Variants in CDH4 observed in about 807,000 individuals in gnomAD.
CDH4 encodes cadherin 4.
In CDH4, 33 loss-of-function variants were observed where a neutral mutation model predicts 86.0. The observed-to-expected ratio is 0.38, with a 90% confidence interval of 0.29 to 0.51. CDH4 has a LOEUF of 0.51. Among genes scored for constraint, CDH4 ranks in the 20% least tolerant of loss-of-function variants. CDH4 has a pLI of 0.86. For missense variants in CDH4, 1,114 were observed against 1,307.4 expected (o/e 0.85, Z 2.28); for synonymous variants, 555 against 549.4 (o/e 1.01, Z -0.14).
intron 2 of CDH4, among the ~76,000 whole-genome samples, chr20:61,255,470 T>C (rs1297482052): frequency 6.6e-6 from 1 of 152,244 alleles, no homozygotes; most frequent in African/African-American, 2.4e-5. Context: ...CAGAGACAGC[T>C]TCAAAACTCA....
At chr20:61,276,237 A>C (rs2084231257) in intron 2 of CDH4, among the ~76,000 whole-genome samples, 2 of 152,324 alleles carry the variant, frequency 1.3e-5, no homozygotes, top group South Asian at 2.1e-4. Flanking sequence ...CCTGAGTATA[A>C]ATTGAAGTCT....
chr20:61,856,756 G>C (rs923045099), intron 6 of CDH4, among the ~76,000 whole-genome samples: 2 of 152,136 alleles, frequency 1.3e-5, no homozygotes, highest in Non-Finnish European at 2.9e-5. Flanking sequence ...GGTGTGGCAG[G>C]CACCGTGGCC....
intron 2 of CDH4, among the ~76,000 whole-genome samples, chr20:61,316,300 T>C (rs2084475766): frequency 6.6e-6 from 1 of 152,226 alleles, no homozygotes; most frequent in South Asian, 2.1e-4. Flanking sequence ...AATCTAATTT[T>C]CTGGAACATC....
chr20:61,765,694 G>C (rs1211377710), intron 3 of CDH4, among the ~76,000 whole-genome samples: 1 of 152,120 alleles, frequency 6.6e-6, no homozygotes, highest in Non-Finnish European at 1.5e-5. Flanking sequence ...CACATTTCAG[G>C]AACAGCAAGA....
intron 2 of CDH4, among the ~76,000 whole-genome samples, chr20:61,584,941 G>C (rs1324031751): frequency 6.6e-6 from 1 of 152,168 alleles, no homozygotes. Context: ...CTAGGAGCAG[G>C]GGCATTTCCC....
chr20:61,384,926 G>C (rs536955434), intron 2 of CDH4, among the ~76,000 whole-genome samples: 1 of 152,210 alleles, frequency 6.6e-6, no homozygotes, highest in South Asian at 2.1e-4. Context: ...GTTTCTACTT[G>C]TTCTAGCTCA....
chr20:61,539,456 T>C (rs747047212), intron 2 of CDH4, among the ~76,000 whole-genome samples: 47 of 152,210 alleles, frequency 3.1e-4, no homozygotes, highest in Non-Finnish European at 6.2e-4. Context: ...TCTCCCTGTG[T>C]CCTCACGGAG....
In CDH4 at chr20:61,850,032, C is replaced by T. The variant is rs186984073; in HGVS notation, c.733-2722C>T. 1.8e-4 allele frequency among the ~76,000 whole-genome samples: 28 copies of T among 152,326 alleles called. No individual in the cohort carries two copies. The East Asian group carries it at 2.5e-3, about 14-fold the overall frequency. Reference sequence around the variant, plus strand: ...CGCATCCCCAGCCTGAGTACGCTGACGACTGTGACACGTGTCACCCTAAAG... The same window carrying T: ...CGCATCCCCAGCCTGAGTACGCTGATGACTGTGACACGTGTCACCCTAAAG... On this transcript the variant is annotated intron_variant, in intron 5 of 15. Transcript: ENST00000614565.
At chr20:61,705,358 C>A (rs568939908) in intron 2 of CDH4, among the ~76,000 whole-genome samples, 25 of 152,360 alleles carry the variant, frequency 1.6e-4, no homozygotes, top group African/African-American at 6.0e-4. Context: ...GGGGACCAGA[C>A]CCCGGGGGTT....
intron 2 of CDH4, among the ~76,000 whole-genome samples, chr20:61,698,968 TG>T (rs1196602620): frequency 3.9e-5 from 6 of 152,240 alleles, no homozygotes; most frequent in African/African-American, 1.4e-4. Flanking sequence ...CCACCTTTGG[TG>T]GTTGCATCCC....
chr20:61,418,049 G>A (rs2085156383), intron 2 of CDH4, among the ~76,000 whole-genome samples: 1 of 152,020 alleles, frequency 6.6e-6, no homozygotes, highest in Non-Finnish European at 1.5e-5. Context: ...TTGCTCTTTT[G>A]CTGTTAAATG....
At chr20:61,512,177 G>A (rs763665448) in intron 2 of CDH4, among the ~76,000 whole-genome samples, 29 of 152,194 alleles carry the variant, frequency 1.9e-4, no homozygotes, top group African/African-American at 5.3e-4. Context: ...TGGGCTGCCC[G>A]GTGGTTTGGT....
intron 8 of CDH4, among the ~76,000 whole-genome samples, chr20:61,898,180 A>G (rs1985220572): frequency 6.6e-6 from 1 of 152,234 alleles, no homozygotes; most frequent in South Asian, 2.1e-4. Flanking sequence ...CAGAGGGGCC[A>G]GCAGGATGGC....
intron 2 of CDH4, among the ~76,000 whole-genome samples, chr20:61,605,489 C>T (rs1383763894): frequency 6.6e-6 from 1 of 151,838 alleles, no homozygotes; most frequent in Non-Finnish European, 1.5e-5. Context: ...CTCCCTGTCT[C>T]TCTCCCCCCA....
chr20:61,620,796 C>T (rs925568286), intron 2 of CDH4, among the ~76,000 whole-genome samples: 5 of 152,302 alleles, frequency 3.3e-5, no homozygotes, highest in Admixed American at 2.0e-4. Flanking sequence ...TGTTGTAATA[C>T]GAATCAGGTA....
intron 2 of CDH4, among the ~76,000 whole-genome samples, chr20:61,276,975 G>A (rs534654222): frequency 6.6e-6 from 1 of 152,296 alleles, no homozygotes; most frequent in African/African-American, 2.4e-5. Context: ...GCAGATTAAA[G>A]TCCAAGTGCA....
chr20:61,337,904 G>C (rs2084628406), intron 2 of CDH4, among the ~76,000 whole-genome samples: 1 of 152,092 alleles, frequency 6.6e-6, no homozygotes, highest in African/African-American at 2.4e-5. Context: ...CTGCCCTGGG[G>C]TTTTTAGTTT....
At position 61,827,337 on chromosome 20, in the gene CDH4, G is replaced by A. The variant is rs115423650; in HGVS notation, c.577-17331G>A. 8.3e-3 allele frequency among the ~76,000 whole-genome samples: 1,263 copies of A among 152,248 alleles called. 12 individuals are homozygous for A. The highest frequency in any genetic ancestry group is 0.029 in the African/African-American group (1,213 of 41,552). ...ATATTCCTGGTGGGATATAGTCCAAGACCAAAAAGAAAAATCATAACTACT... is the reference window on the plus strand; with the variant it reads ...ATATTCCTGGTGGGATATAGTCCAAAACCAAAAAGAAAAATCATAACTACT... On this transcript the variant is annotated intron_variant, in intron 4 of 15. Coordinates refer to ENST00000614565, the MANE Select transcript of CDH4 (RefSeq NM_001794.5).
intron 2 of CDH4, among the ~76,000 whole-genome samples, chr20:61,327,454 C>T (rs2084542786): frequency 6.6e-6 from 1 of 152,122 alleles, no homozygotes; most frequent in Non-Finnish European, 1.5e-5. Context: ...GATTGAGAAA[C>T]AGTTTTAAAA....
Sources: gnomAD v4.1 joint callset for allele counts (sites outside exome capture counted in the v4.1 genomes callset) on GRCh38, gnomAD v4.1.1 for gene constraint, MANE v1.5 for transcripts, NCBI Gene and HGNC (gene_info 2026-07-23, HGNC 2026-07-21) for gene names.